The following DAB1 variants were observed in gnomAD, a reference collection of about 807,000 sequenced individuals.
DAB1 encodes the protein disabled homolog 1.
Under a neutral mutation model 64.6 loss-of-function variants are expected in DAB1, and 15 were observed. The ratio of observed to expected loss-of-function variants is 0.23; its 90% CI spans 0.16 to 0.36. The LOEUF is 0.36. DAB1 is among the 10% of genes least tolerant of loss of function. The pLI is 1.00. For synonymous variants in DAB1, 235 were observed against 251.9 expected, an observed-to-expected ratio of 0.93 and a Z score of 0.64; for missense variants, 596 against 706.7, an observed-to-expected ratio of 0.84 and a Z score of 1.78.
intron 7 of DAB1, among the ~76,000 whole-genome samples, chr1:57,627,513 G>A (rs1444094689): frequency 6.6e-6 from 1 of 152,082 alleles, no homozygotes; most frequent in Non-Finnish European, 1.5e-5. Context: ...TACAACTTTT[G>A]TGTACTCATG....
chr1:57,344,883 A>C (rs915066360), intron 1 of DAB1, among the ~76,000 whole-genome samples: 4 of 152,108 alleles, frequency 2.6e-5, no homozygotes, highest in African/African-American at 9.7e-5. Flanking sequence ...AAGCTTTGGG[A>C]GGATTTCACA....
At chr1:57,011,342 T>A in intron 12 of DAB1, 70 bp from the exon 13 acceptor site, 1 of 1,563,328 alleles carries the variant, frequency 6.4e-7, no homozygotes, top group Non-Finnish European at 8.7e-7. Flanking sequence ...CAAAGAAACC[T>A]CAGGAATCTG....
chr1:57,959,772 G>C (rs576738098), intron 5 of DAB1, among the ~76,000 whole-genome samples: 1 of 152,106 alleles, frequency 6.6e-6, no homozygotes, highest in Non-Finnish European at 1.5e-5. Context: ...GGCTGGGATC[G>C]GTTTCCTAAA....
chr1:57,824,257 C>T (rs1054732628), downstream of DAB1, among the ~76,000 whole-genome samples: 24 of 152,270 alleles, frequency 1.6e-4, no homozygotes, highest in Admixed American at 1.2e-3. Flanking sequence ...ATAGCATTTG[C>T]TCACCCACAA....
intron 6 of DAB1, among the ~76,000 whole-genome samples, chr1:57,707,354 CTTT>C (rs71051249): frequency 4.2e-5 from 6 of 141,808 alleles, no homozygotes; most frequent in Admixed American, 7.0e-5. Flanking sequence ...AAATAAGAAA[CTTT>C]TTTTTTTTTT....
chr1:58,224,406 G>A (rs888252869), intron 4 of DAB1, among the ~76,000 whole-genome samples: 1 of 152,144 alleles, frequency 6.6e-6, no homozygotes. Flanking sequence ...GGGAATTTAG[G>A]GGGTGAAAAC....
At chr1:57,515,230 G>A (rs767708354) in intron 7 of DAB1, among the ~76,000 whole-genome samples, 10 of 152,190 alleles carry the variant, frequency 6.6e-5, no homozygotes, top group Non-Finnish European at 1.2e-4. Context: ...AGCAATATGT[G>A]CAGACACTTA....
At chr1:58,510,210 A>T (rs1323329990) in intron 2 of DAB1, among the ~76,000 whole-genome samples, 1 of 152,148 alleles carries the variant, frequency 6.6e-6, no homozygotes, top group Non-Finnish European at 1.5e-5. Flanking sequence ...TCCCTGATGA[A>T]CATAAATACA....
rs1681551673 is a variant in DAB1, at chr1:57,383,520, CAGTA to C, written c.-137+40406_-137+40409del. Among the ~76,000 whole-genome samples, 3 of 152,208 alleles carry C rather than the reference CAGTA, an allele frequency of 2.0e-5. No homozygotes were observed. In the South Asian group the frequency reaches 6.2e-4, roughly 32 times the overall value. On this transcript the variant is annotated intron_variant, in intron 1 of 14. Coordinates refer to ENST00000371236, the MANE Select transcript of DAB1 (RefSeq NM_001365792.1). Reference sequence around the variant, plus strand: ...CTCATACTATTTGGAGAATCAAGATCAGTAAGTGTAATGAAAACAGTGTGGTGCT... The same window carrying C: ...CTCATACTATTTGGAGAATCAAGATCAGTGTAATGAAAACAGTGTGGTGCT...
In DAB1 at chr1:57,474,629, C is replaced by A. The variant is rs527273630; in HGVS notation, n.625+174963G>T. 4.6e-4 allele frequency among the ~76,000 whole-genome samples: 70 copies of A among 152,238 alleles called. No individual in the cohort carries two copies. The South Asian group carries it at 0.014, about 30-fold the overall frequency. ...TAGCCAAAAAGAAATATCCTATTAT[C>A]TGGGATTAAAGTGTCAATATTATGT... On this transcript the variant is annotated intron_variant and non_coding_transcript_variant, in intron 7 of 20. Coordinates refer to the DAB1 transcript ENST00000485760.
intron 7 of DAB1, among the ~76,000 whole-genome samples, chr1:57,561,142 C>T (rs1329322114): frequency 6.6e-6 from 1 of 152,174 alleles, no homozygotes; most frequent in Non-Finnish European, 1.5e-5. Flanking sequence ...GCCTCCTCTC[C>T]CCCAGCCTGC....
At chr1:57,986,782 G>A (rs1646229778) in intron 5 of DAB1, among the ~76,000 whole-genome samples, 1 of 152,122 alleles carries the variant, frequency 6.6e-6, no homozygotes, top group South Asian at 2.1e-4. Flanking sequence ...CACAGAGAAC[G>A]TTCTATCTCT....
chr1:58,425,191 G>T (rs1644810741), intron 3 of DAB1, among the ~76,000 whole-genome samples: 1 of 152,160 alleles, frequency 6.6e-6, no homozygotes, highest in South Asian at 2.1e-4. Context: ...TCTTCACCAG[G>T]ATTTTCTAAC....
At chr1:57,301,311 C>T (rs1167624525) in intron 1 of DAB1, among the ~76,000 whole-genome samples, 1 of 152,212 alleles carries the variant, frequency 6.6e-6, no homozygotes, top group African/African-American at 2.4e-5. Flanking sequence ...GTGCTCATCA[C>T]ATCTGCTCCC....
intron 6 of DAB1, among the ~76,000 whole-genome samples, chr1:57,808,903 T>C (rs192270882): frequency 3.9e-5 from 6 of 152,270 alleles, no homozygotes; most frequent in African/African-American, 1.4e-4. Context: ...TGCAACTCTG[T>C]GTGAGCTTTA....
At chr1:57,637,796 G>T (rs763200294) in intron 7 of DAB1, among the ~76,000 whole-genome samples, 1 of 152,174 alleles carries the variant, frequency 6.6e-6, no homozygotes, top group African/African-American at 2.4e-5. Flanking sequence ...ACAACAAAGG[G>T]TAGAATATCT....
At chr1:57,000,825 GA>G (rs1645832215) in intron 14 of DAB1, among the ~76,000 whole-genome samples, 1 of 152,256 alleles carries the variant, frequency 6.6e-6, no homozygotes, top group East Asian at 1.9e-4. Flanking sequence ...TCTAATTTTG[GA>G]AACTAATTTA....
intron 7 of DAB1, among the ~76,000 whole-genome samples, chr1:57,561,826 G>A (rs570597468): frequency 1.3e-5 from 2 of 152,320 alleles, no homozygotes; most frequent in African/African-American, 4.8e-5. Flanking sequence ...CTGAGCCCTC[G>A]ATATGGCACC....
chr1:58,195,631 A>C (rs985609239), intron 4 of DAB1, among the ~76,000 whole-genome samples: 2 of 152,236 alleles, frequency 1.3e-5, no homozygotes, highest in African/African-American at 4.8e-5. Flanking sequence ...TTACTCATCT[A>C]TTCAACAATA....
Sources: allele counts gnomAD v4.1 joint callset (sites outside exome capture counted in the v4.1 genomes callset), GRCh38; gene constraint gnomAD v4.1.1; transcripts MANE v1.5; gene names NCBI Gene and HGNC (gene_info 2026-07-23, HGNC 2026-07-21).